The following HSD17B12 variants were observed in gnomAD, a reference collection of about 807,000 sequenced individuals.
HSD17B12 encodes hydroxysteroid 17-beta dehydrogenase 12.
A neutral mutation model predicts 39.3 loss-of-function variants in HSD17B12; 32 were observed. The ratio of observed to expected loss-of-function variants is 0.81; its 90% CI spans 0.61 to 1.09. HSD17B12 has a LOEUF of 1.09. Among genes scored for constraint, HSD17B12 ranks in the 50% least tolerant of loss-of-function variants. The pLI, the probability that HSD17B12 is intolerant of heterozygous loss-of-function variation, is 0.00. For synonymous variants in HSD17B12, 150 were observed against 146.7 expected, an observed-to-expected ratio of 1.02 and a Z score of -0.16; for missense variants, 342 against 382.9, an observed-to-expected ratio of 0.89 and a Z score of 0.89.
At chr11:43,846,818 C>A (rs939016) in intron 9 of HSD17B12, among the ~76,000 whole-genome samples, 1 of 152,106 alleles carries the variant, frequency 6.6e-6, no homozygotes, top group African/African-American at 2.4e-5. Context: ...CACACACACA[C>A]AAAAGACAAA....
chr11:43,705,881 G>C (rs1267531034), intron 1 of HSD17B12, among the ~76,000 whole-genome samples: 1 of 145,726 alleles, frequency 6.9e-6, no homozygotes, highest in Non-Finnish European at 1.5e-5. Flanking sequence ...TCCCACCTCA[G>C]CCTCTCTAGT....
chr11:43,818,169 A>G (rs1951147915), intron 6 of HSD17B12, among the ~76,000 whole-genome samples: 1 of 152,154 alleles, frequency 6.6e-6, no homozygotes, highest in South Asian at 2.1e-4. Flanking sequence ...TCACTGATAA[A>G]TTGTTTCCAT....
intron 1 of HSD17B12, among the ~76,000 whole-genome samples, chr11:43,688,312 C>T (rs1949820833): frequency 6.6e-6 from 1 of 152,098 alleles, no homozygotes; most frequent in African/African-American, 2.4e-5. Context: ...TCTCAGAGAC[C>T]ATTTCTGTCT....
chr11:43,796,407 A>T (rs1470539529), intron 3 of HSD17B12, among the ~76,000 whole-genome samples: 2 of 152,288 alleles, frequency 1.3e-5, no homozygotes, highest in African/African-American at 4.8e-5. Context: ...GTTGTTTTTT[A>T]AAAAAGGCAG....
Position 43,757,639 on chromosome 11 carries a change from C to CATA in HSD17B12, c.283+3519_283+3520insTAA, listed in dbSNP as rs761891902. On this transcript the variant is annotated intron_variant, in intron 3 of 10. Coordinates refer to ENST00000278353, the MANE Select transcript of HSD17B12 (RefSeq NM_016142.3). The stretch of plus-strand genomic sequence containing the variant: ...TGGGCGACAGAGCGAGACTCCGTCT[C>CATA]AAAAAAAAAAAAAAAAAAAAAAAAA... 6.9e-4 allele frequency among the ~76,000 whole-genome samples: 5 copies of CATA among 7,206 alleles called. No individual in the cohort carries two copies. In the East Asian group the frequency reaches 0.025, roughly 36 times the overall value. 4.7% of individuals were successfully genotyped at this position (7,206 alleles called of 152,430 possible). A position where few individuals can be genotyped will look rare whatever the true frequency, so the allele number is the denominator to read the frequency against.
At chr11:43,808,833 A>C (rs2135065132) in intron 4 of HSD17B12, among the ~76,000 whole-genome samples, 1 of 152,372 alleles carries the variant, frequency 6.6e-6, no homozygotes, top group African/African-American at 2.4e-5. Context: ...TAAAGTTTGC[A>C]AAATGTTTTA....
the HSD17B12 span, chr11:43,644,328 C>CTGTT: frequency 2.0e-5 from 3 of 152,204 alleles, no homozygotes; most frequent in South Asian, 6.2e-4. Flanking sequence ...GTTAGAAGGC[C>CTGTT]ACCAACAGCC....
At chr11:43,744,451 T>C (rs1429118218) in intron 1 of HSD17B12, among the ~76,000 whole-genome samples, 1 of 152,230 alleles carries the variant, frequency 6.6e-6, no homozygotes, top group African/African-American at 2.4e-5. Flanking sequence ...GAGAGTTGTC[T>C]AAAATTTTTT....
At chr11:43,745,658 A>G (rs1321287683) in intron 1 of HSD17B12, among the ~76,000 whole-genome samples, 1 of 152,170 alleles carries the variant, frequency 6.6e-6, no homozygotes, top group African/African-American at 2.4e-5. Flanking sequence ...ACTGAATACT[A>G]TAGGCAGTTG....
chr11:43,713,445 A>G (rs1950089602), intron 1 of HSD17B12, among the ~76,000 whole-genome samples: 2 of 152,058 alleles, frequency 1.3e-5, no homozygotes, highest in African/African-American at 4.8e-5. Context: ...ATGTCCCTAC[A>G]AAGGACATGA....
chr11:43,650,740 C>G, the HSD17B12 span, among the ~76,000 whole-genome samples: 1 of 152,198 alleles, frequency 6.6e-6, no homozygotes. Flanking sequence ...GGTGGATGCA[C>G]ACATGTAGTA....
At chr11:43,703,105 G>A (rs987408334) in intron 1 of HSD17B12, among the ~76,000 whole-genome samples, 1 of 152,150 alleles carries the variant, frequency 6.6e-6, no homozygotes, top group African/African-American at 2.4e-5. Context: ...AAAGTGTTTG[G>A]AAGTATTCCC....
Position 43,775,742 on chromosome 11 carries a change from A to G in HSD17B12, c.283+21621A>G, listed in dbSNP as rs191467407. On this transcript the variant is annotated intron_variant, in intron 3 of 10. Transcript: ENST00000278353. ...CATCTAGCATTAGGTATATCTCCCA[A>G]TGCTATCCCTCCCCCCTCCCCCGAT... Among the ~76,000 whole-genome samples the G allele has an allele frequency of 9.1e-3, 1,366 of 149,914 alleles. 5 individuals carry two copies. Among genetic ancestry groups the G allele is most frequent in the Non-Finnish European group, 0.014 (934 of 67,468 alleles).
chr11:43,829,470 T>C (rs1401574411), intron 6 of HSD17B12, among the ~76,000 whole-genome samples: 3 of 152,198 alleles, frequency 2.0e-5, no homozygotes, highest in African/African-American at 7.2e-5. Flanking sequence ...ATTTTTGCCA[T>C]TCAGAAAGCA....
chr11:43,749,470 T>C (rs879667464), intron 1 of HSD17B12, among the ~76,000 whole-genome samples: 2 of 152,114 alleles, frequency 1.3e-5, no homozygotes, highest in Non-Finnish European at 2.9e-5. Context: ...GTAATAGTTA[T>C]GAATGAAGTG....
At chr11:43,611,190 A>G in the HSD17B12 span, among the ~76,000 whole-genome samples, 1 of 152,192 alleles carries the variant, frequency 6.6e-6, no homozygotes, top group Non-Finnish European at 1.5e-5. Flanking sequence ...CAGAATGTAA[A>G]TTATTTTAAT....
the HSD17B12 span, chr11:43,645,516 A>G: frequency 6.6e-6 from 1 of 152,206 alleles, no homozygotes; most frequent in Admixed American, 6.5e-5. Context: ...AGGGGCCACC[A>G]CGTGACAGAA....
At chr11:43,779,559 G>C (rs1950744295) in intron 3 of HSD17B12, among the ~76,000 whole-genome samples, 1 of 152,148 alleles carries the variant, frequency 6.6e-6, no homozygotes, top group African/African-American at 2.4e-5. Context: ...ATACCTTGCT[G>C]TCTATTGTAC....
intron 6 of HSD17B12, among the ~76,000 whole-genome samples, chr11:43,820,650 T>C (rs574052625): frequency 1.3e-5 from 2 of 152,314 alleles, no homozygotes; most frequent in Admixed American, 1.3e-4. Context: ...AGAAAAGGCC[T>C]GTATAAGGAA....
Sources: allele counts gnomAD v4.1 joint callset (sites outside exome capture counted in the v4.1 genomes callset), GRCh38; gene constraint gnomAD v4.1.1; transcripts MANE v1.5; gene names NCBI Gene and HGNC (gene_info 2026-07-23, HGNC 2026-07-21).